ERBB4: variants seen among roughly 807,000 people sequenced by gnomAD.
The protein encoded by ERBB4 is receptor tyrosine-protein kinase erbB-4.
A neutral mutation model predicts 158.0 loss-of-function variants in ERBB4; 42 were observed. That is an observed-to-expected ratio of 0.27 (90% CI 0.21 to 0.34). ERBB4 has a LOEUF of 0.34. ERBB4 is among the 10% of genes least tolerant of loss of function. The pLI is 1.00. For missense variants in ERBB4, 1,333 were observed against 1,624.1 expected, an observed-to-expected ratio of 0.82 and a Z score of 3.08; for synonymous variants, 583 against 558.7, an observed-to-expected ratio of 1.04 and a Z score of -0.61.
intron 1 of ERBB4, among the ~76,000 whole-genome samples, chr2:212,396,858 CAA>C (rs1404265182): frequency 6.6e-6 from 1 of 152,038 alleles, no homozygotes; most frequent in Non-Finnish European, 1.5e-5. Flanking sequence ...AGAATTTCTT[CAA>C]AGTTTTCATC....
Position 212,374,001 on chromosome 2 carries a change from TATATATATCC to T in ERBB4, c.82+164438_82+164447del, listed in dbSNP as rs1211507257. On this transcript the variant is annotated intron_variant, in intron 1 of 27. Transcript: ENST00000342788. ...ATATATATATCCATATATATCCATA[TATATATATCC>T]ATATATATCCATATATATATATCCA... 1.3e-4 allele frequency among the ~76,000 whole-genome samples: 18 copies of T among 135,798 alleles called. 1 individual carries two copies. Among genetic ancestry groups the T allele is most frequent in the East Asian group, 2.1e-4 (1 of 4,872 alleles). The allele number at this position is 135,798 out of a possible 152,430, so 89.1% of individuals were successfully genotyped here.
At chr2:211,982,800 T>C (rs1328599695) in intron 2 of ERBB4, among the ~76,000 whole-genome samples, 3 of 152,162 alleles carry the variant, frequency 2.0e-5, no homozygotes, top group African/African-American at 7.2e-5. Flanking sequence ...TAAAATGAAT[T>C]TTTTCAGTAA....
At position 211,662,473 on chromosome 2, in the gene ERBB4, G is replaced by A. The variant is rs557384601; in HGVS notation, c.1871+2850C>T. ...TAAATTAAATAATATAAATTTACTG[G>A]ACTGTGAGTTCATTGAGGTCAGAAG... On this transcript the variant is annotated intron_variant, in intron 15 of 27. Coordinates refer to ENST00000342788, the MANE Select transcript of ERBB4 (RefSeq NM_005235.3). Among the ~76,000 whole-genome samples the A allele has an allele frequency of 7.9e-5, 12 of 152,268 alleles. No individual in the cohort carries two copies. In the East Asian group the frequency reaches 1.9e-3, roughly 24 times the overall value.
At chr2:211,522,560 G>T (rs2066218102) in intron 20 of ERBB4, among the ~76,000 whole-genome samples, 1 of 152,152 alleles carries the variant, frequency 6.6e-6, no homozygotes, top group Non-Finnish European at 1.5e-5. Context: ...GAGCAGCAGG[G>T]TTTGGGAGAA....
At chr2:211,611,668 C>T (rs1450921136) in intron 19 of ERBB4, among the ~76,000 whole-genome samples, 1 of 152,106 alleles carries the variant, frequency 6.6e-6, no homozygotes, top group African/African-American at 2.4e-5. Flanking sequence ...TTTTTCTTTT[C>T]ATCCTTGTAT....
chr2:212,120,516 A>G (rs1404481032), intron 2 of ERBB4, among the ~76,000 whole-genome samples: 2 of 152,232 alleles, frequency 1.3e-5, no homozygotes, highest in East Asian at 3.8e-4. Context: ...TTAGTCATAA[A>G]TGTTGAATAT....
chr2:211,601,338 C>G (rs2068793164), intron 19 of ERBB4, among the ~76,000 whole-genome samples: 1 of 151,684 alleles, frequency 6.6e-6, no homozygotes, highest in Admixed American at 6.6e-5. Flanking sequence ...AGTAAGAATT[C>G]CAGAAAAAGG....
intron 3 of ERBB4, among the ~76,000 whole-genome samples, chr2:211,931,764 A>AT (rs1394596009): frequency 6.6e-6 from 1 of 152,064 alleles, no homozygotes; most frequent in Non-Finnish European, 1.5e-5. Context: ...AATCAACCAT[A>AT]TCTGTCAATG....
intron 1 of ERBB4, among the ~76,000 whole-genome samples, chr2:212,481,989 C>G (rs1003546405): frequency 1.3e-5 from 2 of 152,148 alleles, no homozygotes; most frequent in Non-Finnish European, 2.9e-5. Context: ...CTTGTGCACC[C>G]AAAATGTAAA....
intron 2 of ERBB4, among the ~76,000 whole-genome samples, chr2:211,989,000 T>C (rs949292574): frequency 6.6e-6 from 1 of 152,062 alleles, no homozygotes; most frequent in Admixed American, 6.6e-5. Flanking sequence ...TCTAAGATGG[T>C]ATTGTCATTT....
chr2:211,829,541 TA>T, intron 3 of ERBB4, among the ~76,000 whole-genome samples: 1 of 152,294 alleles, frequency 6.6e-6, no homozygotes, highest in Non-Finnish European at 1.5e-5. Context: ...ATACCAACTT[TA>T]TTAATTTGTT....
chr2:212,304,666 G>A (rs753266293), intron 1 of ERBB4, among the ~76,000 whole-genome samples: 2 of 151,450 alleles, frequency 1.3e-5, no homozygotes, highest in Non-Finnish European at 3.0e-5. Context: ...TGCCACAAGG[G>A]TGGAAGGTTG....
At position 211,392,558 on chromosome 2, in the gene ERBB4, C is replaced by CCGCG. The variant is rs767854845; in HGVS notation, c.3136-4567_3136-4566insCGCG. On this transcript the variant is annotated intron_variant, in intron 25 of 27. Coordinates refer to ENST00000342788, the MANE Select transcript of ERBB4 (RefSeq NM_005235.3). ...ACTTTTTTGAAAAAACTCTCTTACT[C>CCGCG]CACACACACACACACACACACACAC... Among the ~76,000 whole-genome samples the CCGCG allele has an allele frequency of 5.0e-5, 7 of 141,012 alleles. 1 individual carries two copies. Among genetic ancestry groups the CCGCG allele is most frequent in the South Asian group, 4.7e-4 (2 of 4,236 alleles). The allele number at this position is 141,012 out of a possible 152,430, so 92.5% of individuals were successfully genotyped here. A position where few individuals can be genotyped will look rare whatever the true frequency, so the allele number is the denominator to read the frequency against.
intron 1 of ERBB4, among the ~76,000 whole-genome samples, chr2:212,465,379 C>G (rs1221677423): frequency 6.6e-6 from 1 of 152,094 alleles, no homozygotes; most frequent in Non-Finnish European, 1.5e-5. Context: ...GGAAAGCGAA[C>G]AGTCATGGTC....
chr2:212,505,349 G>A (rs1334705519), intron 1 of ERBB4, among the ~76,000 whole-genome samples: 1 of 152,072 alleles, frequency 6.6e-6, no homozygotes, highest in Admixed American at 6.6e-5. Flanking sequence ...CATCCCCATC[G>A]GCCTCCCAAA....
At chr2:211,944,228 A>C (rs1232295752) in intron 3 of ERBB4, among the ~76,000 whole-genome samples, 1 of 11,980 alleles carries the variant, frequency 8.3e-5, no homozygotes, top group Non-Finnish European at 2.3e-4. Context: ...ACACACACAA[A>C]AAAAAAGAAC....
chr2:212,390,193 G>A (rs2090812819), intron 1 of ERBB4, among the ~76,000 whole-genome samples: 1 of 151,770 alleles, frequency 6.6e-6, no homozygotes, highest in Non-Finnish European at 1.5e-5. Flanking sequence ...TATCTAAAAT[G>A]TAGTCATACC....
In ERBB4 at chr2:211,644,401, A is replaced by G. The variant is rs561727386; in HGVS notation, c.1946+13353T>C. ...CAAAAGCTATTGCCTAGGCGATGTT[A>G]TGATTCGGCAGATGCTCTGAATACA... On this transcript the variant is annotated intron_variant, in intron 16 of 27. Transcript: ENST00000342788. Among the ~76,000 whole-genome samples, 25 of 152,082 alleles carry G rather than the reference A, an allele frequency of 1.6e-4. No individual in the cohort carries two copies. In the South Asian group the frequency reaches 4.6e-3, roughly 28 times the overall value.
intron 1 of ERBB4, among the ~76,000 whole-genome samples, chr2:212,296,418 C>T (rs940872508): frequency 2.0e-5 from 3 of 151,888 alleles, no homozygotes; most frequent in Non-Finnish European, 4.4e-5. Flanking sequence ...AAGACATTGA[C>T]ATATTCAATT....
Sources: allele counts gnomAD v4.1 joint callset (sites outside exome capture counted in the v4.1 genomes callset), GRCh38; gene constraint gnomAD v4.1.1; transcripts MANE v1.5; gene names NCBI Gene and HGNC (gene_info 2026-07-23, HGNC 2026-07-21).